RNF17: variants seen among roughly 807,000 people sequenced by gnomAD.
RNF17 encodes the protein spermatogenesis associated 23.
A neutral mutation model predicts 200.5 loss-of-function variants in RNF17; 31 were observed. The ratio of observed to expected loss-of-function variants is 0.15; its 90% CI spans 0.12 to 0.21. The LOEUF is 0.21. Among genes scored for constraint, RNF17 ranks in the 10% least tolerant of loss-of-function variants. RNF17 has a pLI of 1.00. For missense variants in RNF17, 1,628 were observed against 1,905.1 expected (o/e 0.85, Z 2.71); for synonymous variants, 606 against 637.8 (o/e 0.95, Z 0.75).
intron 10 of RNF17, among the ~76,000 whole-genome samples, chr13:24,795,096 T>C (rs1237745148): frequency 2.0e-5 from 3 of 152,178 alleles, no homozygotes; most frequent in Non-Finnish European, 4.4e-5. Context: ...CCACCCTAAA[T>C]ATGGGCATTA....
chr13:24,870,536 A>T, intron 31 of RNF17, 35 bp from the exon 32 acceptor site: 1 of 1,585,208 alleles, frequency 6.3e-7, no homozygotes, highest in Non-Finnish European at 8.6e-7. Flanking sequence ...GACATTCCAG[A>T]ATCTGAAAGT....
the RNF17 span, among the ~76,000 whole-genome samples, chr13:24,750,293 T>G: frequency 2.6e-5 from 4 of 152,268 alleles, no homozygotes; most frequent in Non-Finnish European, 5.9e-5. Context: ...TTTTGGTTTT[T>G]TATTAAAACA....
At chr13:24,841,833 G>C (rs993267563) in intron 18 of RNF17, among the ~76,000 whole-genome samples, 7 of 151,882 alleles carry the variant, frequency 4.6e-5, no homozygotes, top group Non-Finnish European at 8.8e-5. Context: ...GTGGTGGCGC[G>C]ACAGTGTCTG....
chr13:24,832,709 C>T lies in RNF17; in HGVS notation c.2482+731C>T, dbSNP rs936895565. On this transcript the variant is annotated intron_variant, in intron 18 of 35. Coordinates refer to ENST00000255324, the MANE Select transcript of RNF17 (RefSeq NM_031277.3). ...TTGAATTCTGAAACATGCCTGGCCC[C>T]AAGGGTTTTAGATAGGGGGATTGGG... Among the ~76,000 whole-genome samples the T allele has an allele frequency of 2.6e-5, 4 of 152,024 alleles. No individual in the cohort carries two copies. The East Asian group carries it at 7.7e-4, about 29-fold the overall frequency.
chr13:24,771,323 CTTTTTTTTTTTTTTTTT>C (rs35220494), intron 2 of RNF17, among the ~76,000 whole-genome samples: 1 of 78,018 alleles, frequency 1.3e-5, no homozygotes, highest in Non-Finnish European at 2.3e-5. Context: ...CACAGATAAT[CTTTTTTTTTTTTTTTTT>C]TTTTTTTTTT....
At chr13:24,810,673 A>C in intron 15 of RNF17, among the ~76,000 whole-genome samples, 1 of 144,158 alleles carries the variant, frequency 6.9e-6, no homozygotes, top group Non-Finnish European at 1.5e-5. Context: ...TGTGAATTTG[A>C]TCCTGTCATT....
chr13:24,807,070 C>G (rs1885980625), intron 15 of RNF17, among the ~76,000 whole-genome samples: 1 of 151,660 alleles, frequency 6.6e-6, no homozygotes, highest in South Asian at 2.1e-4. Flanking sequence ...TGGCTTGGTT[C>G]CAAGTCTTTG....
chr13:24,755,311 C>G, the RNF17 span, among the ~76,000 whole-genome samples: 1 of 152,056 alleles, frequency 6.6e-6, no homozygotes, highest in Non-Finnish European at 1.5e-5. Flanking sequence ...AATGTTTTGT[C>G]AGCTTACTCT....
At chr13:24,782,043 A>G (rs1882450885) in intron 6 of RNF17, 99 bp downstream of exon 6, 4 of 793,234 alleles carry the variant, frequency 5.0e-6, no homozygotes, top group African/African-American at 3.5e-5. Flanking sequence ...TAACTTTTAA[A>G]CAAGTTTGTA....
intron 31 of RNF17, among the ~76,000 whole-genome samples, chr13:24,869,241 C>A (rs1050878100): frequency 1.3e-5 from 2 of 152,172 alleles, no homozygotes; most frequent in Non-Finnish European, 2.9e-5. Context: ...CCTTGGCTAA[C>A]AAAGAGAGGA....
rs148005140 is a variant in RNF17 at position 24,785,585 on chromosome 13, G to GTT, written c.612-2402_612-2401dup. Among the ~76,000 whole-genome samples, 808 of 152,264 alleles carry GTT rather than the reference G, an allele frequency of 5.3e-3. 22 individuals are homozygous for GTT. In the East Asian group the frequency reaches 0.081, roughly 15 times the overall value. ...TTATCCTCATGTTGTTGGGTATAGT[G>GTT]TTCTAAATATGTCTGTTGGGTCCAA... is the stretch of plus-strand genomic sequence containing the variant. On this transcript the variant is annotated intron_variant, in intron 6 of 35. Transcript: ENST00000255324.
At chr13:24,796,329 A>G (rs771179356) in intron 11 of RNF17, 34 bp downstream of exon 11, 1 of 1,429,280 alleles carries the variant, frequency 7.0e-7, no homozygotes, top group Non-Finnish European at 9.4e-7. Flanking sequence ...AAAATATCAA[A>G]TTTATTTAAA....
At chr13:24,885,305 G>C in the RNF17 span, 2 of 1,612,496 alleles carry the variant, frequency 1.2e-6, no homozygotes, top group Non-Finnish European at 1.7e-6. Context: ...ATTTCTCCCT[G>C]TATGTCTTGG....
intron 9 of RNF17, among the ~76,000 whole-genome samples, chr13:24,791,730 A>G (rs1298348715): frequency 6.6e-6 from 1 of 152,164 alleles, no homozygotes; most frequent in Non-Finnish European, 1.5e-5. Context: ...TCAGAAGCAC[A>G]TAGGATGATG....
intron 15 of RNF17, among the ~76,000 whole-genome samples, chr13:24,808,988 A>C: frequency 6.6e-6 from 1 of 151,900 alleles, no homozygotes; most frequent in East Asian, 1.9e-4. Flanking sequence ...CATCCCAGGG[A>C]TGAAGCCCAC....
intron 15 of RNF17, among the ~76,000 whole-genome samples, chr13:24,807,454 G>A (rs1886030695): frequency 6.6e-6 from 1 of 152,178 alleles, no homozygotes; most frequent in South Asian, 2.1e-4. Context: ...CTTCTTTTGA[G>A]AAGTGTCTGT....
At chr13:24,887,807 T>A in the RNF17 span, among the ~76,000 whole-genome samples, 1 of 152,198 alleles carries the variant, frequency 6.6e-6, no homozygotes, top group Non-Finnish European at 1.5e-5. Context: ...TGGGGACTGC[T>A]AAGGTATACT....
intron 7 of RNF17, among the ~76,000 whole-genome samples, chr13:24,788,423 A>G (rs1308551743): frequency 1.3e-5 from 2 of 152,034 alleles, no homozygotes; most frequent in South Asian, 4.1e-4. Context: ...TCTTTGTAAC[A>G]CTTGATCTGA....
the RNF17 span, chr13:24,751,281 T>C: frequency 6.7e-6 from 1 of 149,702 alleles, no homozygotes; most frequent in Non-Finnish European, 1.5e-5. Context: ...TACTATTATA[T>C]AGGTTTTCTG....
Sources: gnomAD v4.1 joint callset for allele counts (sites outside exome capture counted in the v4.1 genomes callset) on GRCh38, gnomAD v4.1.1 for gene constraint, MANE v1.5 for transcripts, NCBI Gene and HGNC (gene_info 2026-07-23, HGNC 2026-07-21) for gene names.